SLC8A3: variants seen among roughly 807,000 people sequenced by gnomAD.
The protein encoded by SLC8A3 is sodium/calcium exchanger 3.
A neutral mutation model predicts 65.4 loss-of-function variants in SLC8A3; 37 were observed. That is an observed-to-expected ratio of 0.57 (90% CI 0.44 to 0.74). The LOEUF is 0.74. SLC8A3 is among the 30% of genes least tolerant of loss of function. SLC8A3 has a pLI of 0.00. For synonymous variants in SLC8A3, 461 were observed against 444.5 expected (o/e 1.04, Z -0.47); for missense variants, 1,112 against 1,172.1 (o/e 0.95, Z 0.75).
chr14:70,169,694 G>GA (rs1303242073), intron 1 of SLC8A3, among the ~76,000 whole-genome samples: 1 of 132,778 alleles, frequency 7.5e-6, no homozygotes, highest in Non-Finnish European at 1.5e-5. Flanking sequence ...AAAAAAGTGG[G>GA]GGGGGGGGCG....
chr14:70,147,632 A>C (rs1467761313), intron 2 of SLC8A3, among the ~76,000 whole-genome samples: 1 of 152,182 alleles, frequency 6.6e-6, no homozygotes, highest in Non-Finnish European at 1.5e-5. Context: ...ACCCTTTAAA[A>C]GATGTGAGAG....
intron 1 of SLC8A3, among the ~76,000 whole-genome samples, chr14:70,178,035 A>G (rs1190798478): frequency 6.6e-6 from 1 of 152,184 alleles, no homozygotes; most frequent in Non-Finnish European, 1.5e-5. Context: ...TTGGAGACCA[A>G]TAGAAACAGA....
chr14:70,179,237 C>T (rs969746524), intron 1 of SLC8A3, among the ~76,000 whole-genome samples: 2 of 152,184 alleles, frequency 1.3e-5, no homozygotes, highest in Non-Finnish European at 2.9e-5. Context: ...GCAATCTCCC[C>T]CTCCAGTACT....
chr14:70,110,478 C>A (rs1893213087), intron 2 of SLC8A3, among the ~76,000 whole-genome samples: 2 of 152,096 alleles, frequency 1.3e-5, no homozygotes, highest in Admixed American at 6.6e-5. Flanking sequence ...TCACTTAACA[C>A]AATGATCTCC....
At chr14:70,155,767 G>A (rs1342066160) in intron 2 of SLC8A3, among the ~76,000 whole-genome samples, 1 of 152,220 alleles carries the variant, frequency 6.6e-6, no homozygotes, top group Non-Finnish European at 1.5e-5. Flanking sequence ...CCCTTACGGA[G>A]TTACCATCAT....
chr14:70,050,858 T>C lies in SLC8A3; in HGVS notation c.2113+150A>G. ...ACCATGTTTTTCAGATACGCCATGA[T>C]TCTTTTCCAAGCAGGCACCTAGGAC... On this transcript the variant is annotated intron_variant, in intron 5 of 6. Transcript: ENST00000356921. 3.5e-6 allele frequency: 2 copies of C among 574,810 alleles called. 1 individual carries two copies. The highest frequency in any genetic ancestry group is 4.1e-5 in the South Asian group (2 of 48,984). 35.6% of individuals were successfully genotyped at this position (574,810 alleles called of 1,614,324 possible).
chr14:70,120,148 G>A (rs2140178616), intron 2 of SLC8A3, among the ~76,000 whole-genome samples: 1 of 152,314 alleles, frequency 6.6e-6, no homozygotes, highest in Admixed American at 6.5e-5. Flanking sequence ...CCAAGTTGTG[G>A]CTTAGATAAC....
chr14:70,068,337 C>T (rs1176335692), intron 2 of SLC8A3, among the ~76,000 whole-genome samples: 3 of 152,154 alleles, frequency 2.0e-5, no homozygotes, highest in Admixed American at 2.0e-4. Flanking sequence ...TTACATTGTG[C>T]TCACCACCAT....
intron 2 of SLC8A3, among the ~76,000 whole-genome samples, chr14:70,090,381 C>T (rs1267041274): frequency 6.6e-6 from 1 of 152,190 alleles, no homozygotes; most frequent in African/African-American, 2.4e-5. Flanking sequence ...CTCCTGCCTA[C>T]TAATTAATTT....
chr14:70,180,171 C>T (rs1882620979), intron 1 of SLC8A3, among the ~76,000 whole-genome samples: 1 of 152,192 alleles, frequency 6.6e-6, no homozygotes, highest in African/African-American at 2.4e-5. Context: ...TGTTGCAAAG[C>T]CATCAAGGGA....
intron 3 of SLC8A3, among the ~76,000 whole-genome samples, chr14:70,054,767 T>G (rs1230321099): frequency 6.6e-6 from 1 of 152,108 alleles, no homozygotes; most frequent in Admixed American, 6.5e-5. Context: ...TTTTGTTTGT[T>G]TAAGGCTCCC....
At chr14:70,120,049 C>T (rs1394435366) in intron 2 of SLC8A3, among the ~76,000 whole-genome samples, 1 of 152,146 alleles carries the variant, frequency 6.6e-6, no homozygotes, top group African/African-American at 2.4e-5. Flanking sequence ...GCCAAACCTC[C>T]CCCCTCTATT....
At position 70,167,620 on chromosome 14, in the gene SLC8A3, T is replaced by C. The variant is rs1897256322; in HGVS notation, c.803A>G (p.Asp268Gly). The C allele has an allele frequency of 1.2e-6, 2 of 1,614,064 alleles. No homozygotes were observed. The highest frequency in any genetic ancestry group is 1.3e-5 in the African/African-American group (1 of 74,920). ...YKYMHKKYRTDKHRGIIIETE... is the reference protein window; with the variant it reads ...YKYMHKKYRTGKHRGIIIETE... ...CTCTATGATAATTCCTCGGTGTTTGTCTGTGCGGTACTTTTTGTGCATGTA... is the reference window on the plus strand; with the variant it reads ...CTCTATGATAATTCCTCGGTGTTTGCCTGTGCGGTACTTTTTGTGCATGTA... The change falls in exon 2 of 7, where the codon GAC becomes GGC. Residue 268 changes from aspartate to glycine, a missense_variant. Asp to Gly is a moderately conservative substitution (Grantham distance 94). Transcript: ENST00000356921.
At chr14:70,137,070 C>A (rs1478579960) in intron 2 of SLC8A3, among the ~76,000 whole-genome samples, 2 of 152,084 alleles carry the variant, frequency 1.3e-5, no homozygotes, top group African/African-American at 4.8e-5. Flanking sequence ...AACTGGGAAC[C>A]AGGCCTCTAA....
chr14:70,167,619 G>T lies in SLC8A3; in HGVS notation c.804C>A (p.Asp268Glu), dbSNP rs781598921. Residue 268 changes from aspartate to glutamate, a missense_variant, in exon 2 of 7, where the codon GAC becomes GAA. Coordinates refer to ENST00000356921, the MANE Select transcript of SLC8A3 (RefSeq NM_182932.3). ...YKYMHKKYRT[D>E]KHRGIIIETE... ...TCTCTATGATAATTCCTCGGTGTTTGTCTGTGCGGTACTTTTTGTGCATGT... is the reference window on the plus strand; with the variant it reads ...TCTCTATGATAATTCCTCGGTGTTTTTCTGTGCGGTACTTTTTGTGCATGT... The T allele has an allele frequency of 4.9e-5, 79 of 1,614,030 alleles. No homozygotes were observed. Among genetic ancestry groups the T allele is most frequent in the Non-Finnish European group, 5.9e-5 (70 of 1,180,038 alleles).
At position 70,051,013 on chromosome 14, in the gene SLC8A3, C is replaced by A. The variant is rs143210756; in HGVS notation, c.2108G>T (p.Ser703Ile). ...CAGCCTGAGACACTTCTCACCTGCACTGACGGTGATGGCCTCCATGAACTG... is the reference window on the plus strand; with the variant it reads ...CAGCCTGAGACACTTCTCACCTGCAATGACGGTGATGGCCTCCATGAACTG... ...RDQFMEAITV[S>I]AAGDEDEDES... is the part of the protein sequence containing the mutation. Residue 703 changes from serine (S) to isoleucine (I), a missense_variant, in exon 5 of 7, where the codon AGT becomes ATT. By Grantham distance (142) the Ser-to-Ile change is moderately radical (BLOSUM62 -2). Transcript: ENST00000356921. The A allele has an allele frequency of 1.2e-6, 2 of 1,606,906 alleles. No individual in the cohort carries two copies. The highest frequency in any genetic ancestry group is 2.7e-5 in the African/African-American group (2 of 74,790).
chr14:70,063,844 C>T, intron 2 of SLC8A3: 1 of 1,606,872 alleles, frequency 6.2e-7, no homozygotes, highest in Non-Finnish European at 8.5e-7. Context: ...CTCATATCCA[C>T]CATGCGGGGG....
At chr14:70,112,706 G>C (rs765276844) in intron 2 of SLC8A3, among the ~76,000 whole-genome samples, 1 of 152,130 alleles carries the variant, frequency 6.6e-6, no homozygotes, top group Non-Finnish European at 1.5e-5. Context: ...AGTTCTGAAG[G>C]CTAAACATTT....
chr14:70,057,696 G>A (rs1888320779), intron 3 of SLC8A3, among the ~76,000 whole-genome samples: 1 of 152,222 alleles, frequency 6.6e-6, no homozygotes, highest in Admixed American at 6.5e-5. Flanking sequence ...CTGCTCATGA[G>A]AGAAGCTGGA....
Sources: gnomAD v4.1 joint callset for allele counts (sites outside exome capture counted in the v4.1 genomes callset) on GRCh38, gnomAD v4.1.1 for gene constraint, MANE v1.5 for transcripts, NCBI Gene and HGNC (gene_info 2026-07-23, HGNC 2026-07-21) for gene names.